MSANTD3: variants seen among roughly 807,000 people sequenced by gnomAD.
The protein encoded by MSANTD3 is Myb/SANT DNA binding domain containing 3, also known as myb/SANT-like DNA-binding domain-containing protein 3.
A neutral mutation model predicts 27.7 loss-of-function variants in MSANTD3; 11 were observed. The ratio of observed to expected loss-of-function variants is 0.40; its 90% CI spans 0.25 to 0.66. The LOEUF is 0.66. Ranked by LOEUF, MSANTD3 falls within the 30% of genes least tolerant of loss-of-function variation. The pLI is 0.41. For missense variants in MSANTD3, 250 were observed against 336.5 expected (o/e 0.74, Z 2.01); for synonymous variants, 131 against 127.2 (o/e 1.03, Z -0.20).
intron 1 of MSANTD3, among the ~76,000 whole-genome samples, chr9:100,437,977 ACT>A (rs1192992899): frequency 1.3e-5 from 2 of 152,120 alleles, no homozygotes. Flanking sequence ...CATTATTATT[ACT>A]CTGAGACTCA....
At chr9:100,439,410 T>C (rs1343211993) in intron 1 of MSANTD3, among the ~76,000 whole-genome samples, 1 of 152,180 alleles carries the variant, frequency 6.6e-6, no homozygotes, top group East Asian at 1.9e-4. Context: ...ATAACAAAGG[T>C]TGAGAAAATA....
chr9:100,435,542 A>G (rs1460143286), intron 1 of MSANTD3, among the ~76,000 whole-genome samples: 1 of 152,238 alleles, frequency 6.6e-6, no homozygotes, highest in Non-Finnish European at 1.5e-5. Flanking sequence ...TGTGTGGTTG[A>G]AACAACAGAA....
intron 1 of MSANTD3, among the ~76,000 whole-genome samples, chr9:100,430,269 C>G (rs969647737): frequency 3.4e-5 from 5 of 148,370 alleles, no homozygotes; most frequent in Non-Finnish European, 7.4e-5. Context: ...GAAAATGGGC[C>G]GGGCGCGGTG....
intron 1 of MSANTD3, among the ~76,000 whole-genome samples, chr9:100,436,645 G>A (rs189694031): frequency 6.6e-6 from 1 of 152,308 alleles, no homozygotes; most frequent in East Asian, 1.9e-4. Flanking sequence ...TTAAACAAGA[G>A]TATCCTTTCT....
At chr9:100,450,199 C>T (rs1587796818) in intron 2 of MSANTD3, among the ~76,000 whole-genome samples, 1 of 152,180 alleles carries the variant, frequency 6.6e-6, no homozygotes, top group Non-Finnish European at 1.5e-5. Context: ...TCCACACTGG[C>T]CTTGCATTGT....
chr9:100,451,570 A>G lies in MSANTD3; in HGVS notation c.*604A>G, dbSNP rs1836890483. The G allele has an allele frequency of 6.6e-6, 1 of 151,920 alleles. No individual in the cohort carries two copies. Among genetic ancestry groups the G allele is most frequent in the African/African-American group, 2.4e-5 (1 of 41,360 alleles). The allele number at this position is 151,920 out of a possible 1,614,324, so 9.4% of individuals were successfully genotyped here. On this transcript the variant is annotated 3_prime_UTR_variant, in exon 3 of 3. Transcript: ENST00000395067. ...AAGGGTATTTTCTAATGTGGCTCAT[A>G]AACCACCTTTTAAGGCCTTTCCTCA... is the stretch of plus-strand genomic sequence containing the variant.
At chr9:100,430,095 C>CA (rs34052606) in intron 1 of MSANTD3, among the ~76,000 whole-genome samples, 22,971 of 110,856 alleles carry the variant, frequency 0.21, 2,248 homozygotes, top group Middle Eastern at 0.26. Context: ...CTCTCTCTCT[C>CA]AAAAAAAAAA....
At position 100,449,281 on chromosome 9, in the gene MSANTD3, C is replaced by G. The variant is rs568079963; in HGVS notation, c.419-1276C>G. ...ACATAGCACCTACCAAACGTGGTAT[C>G]CTTTTGCATCCATATACTCTTCCCT... On this transcript the variant is annotated intron_variant, in intron 2 of 2. Transcript: ENST00000395067. 19 of 979,924 alleles carry G rather than the reference C, an allele frequency of 1.9e-5. No individual in the cohort carries two copies. In the East Asian group the frequency reaches 2.2e-3, roughly 111 times the overall value. The allele number at this position is 979,924 out of a possible 1,614,324, so 60.7% of individuals were successfully genotyped here.
intron 2 of MSANTD3, among the ~76,000 whole-genome samples, chr9:100,447,641 A>G (rs1587794780): frequency 6.6e-6 from 1 of 152,244 alleles, no homozygotes; most frequent in South Asian, 2.1e-4. Flanking sequence ...GTAGTGGTTG[A>G]GTTTGGATTT....
chr9:100,438,681 AC>A (rs1169928085), intron 1 of MSANTD3, among the ~76,000 whole-genome samples: 2 of 152,216 alleles, frequency 1.3e-5, no homozygotes, highest in Admixed American at 1.3e-4. Context: ...TGATTTCCTA[AC>A]AAAAACTACA....
intron 1 of MSANTD3, among the ~76,000 whole-genome samples, chr9:100,434,547 A>G (rs1445088262): frequency 6.6e-6 from 1 of 151,520 alleles, no homozygotes; most frequent in African/African-American, 2.4e-5. Flanking sequence ...AGAAAGAAAC[A>G]GTCTTTGGTG....
At chr9:100,449,379 A>G (rs1469201860) in intron 2 of MSANTD3, among the ~76,000 whole-genome samples, 1 of 152,242 alleles carries the variant, frequency 6.6e-6, no homozygotes, top group Non-Finnish European at 1.5e-5. Flanking sequence ...ATTAGTGCCC[A>G]AGGATTAAAA....
chr9:100,437,945 T>G (rs144445475), intron 1 of MSANTD3, among the ~76,000 whole-genome samples: 18 of 152,362 alleles, frequency 1.2e-4, no homozygotes, highest in African/African-American at 4.3e-4. Context: ...ATACAAGTTA[T>G]CTGCTATTAT....
At chr9:100,447,095 T>C (rs940525473) in intron 2 of MSANTD3, among the ~76,000 whole-genome samples, 3 of 152,130 alleles carry the variant, frequency 2.0e-5, no homozygotes, top group Non-Finnish European at 4.4e-5. Flanking sequence ...CCAGGAAAGC[T>C]GTTGGGATTT....
At chr9:100,428,970 G>A (rs1048215169) in intron 1 of MSANTD3, among the ~76,000 whole-genome samples, 2 of 152,160 alleles carry the variant, frequency 1.3e-5, no homozygotes, top group African/African-American at 4.8e-5. Flanking sequence ...AAAGGCAGGA[G>A]AAGAAGGAGC....
chr9:100,443,430 T>A (rs948053957), intron 2 of MSANTD3, among the ~76,000 whole-genome samples: 1 of 151,980 alleles, frequency 6.6e-6, no homozygotes, highest in Non-Finnish European at 1.5e-5. Flanking sequence ...TTTCAAACTT[T>A]AAAAAAAGTG....
At chr9:100,440,902 G>C (rs1481933358) in intron 1 of MSANTD3, among the ~76,000 whole-genome samples, 1 of 142,840 alleles carries the variant, frequency 7.0e-6, no homozygotes, top group Non-Finnish European at 1.5e-5. Flanking sequence ...TGGGATTACA[G>C]GTGTGAGCCA....
intron 1 of MSANTD3, among the ~76,000 whole-genome samples, chr9:100,431,821 C>T (rs768988421): frequency 2.6e-5 from 4 of 152,078 alleles, no homozygotes; most frequent in Non-Finnish European, 5.9e-5. Context: ...ATGGTTGTAG[C>T]TGAGGTGGTG....
intron 1 of MSANTD3, among the ~76,000 whole-genome samples, chr9:100,434,185 C>T (rs1484973565): frequency 6.6e-6 from 1 of 152,164 alleles, no homozygotes; most frequent in Non-Finnish European, 1.5e-5. Context: ...TGTTGATCCC[C>T]TACCCTACTG....
Sources: allele counts gnomAD v4.1 joint callset (sites outside exome capture counted in the v4.1 genomes callset), GRCh38; gene constraint gnomAD v4.1.1; transcripts MANE v1.5; gene names NCBI Gene and HGNC (gene_info 2026-07-23, HGNC 2026-07-21).